Variants in BAIAP2L1 observed in about 807,000 individuals in gnomAD.
BAIAP2L1 encodes the protein BAR/IMD domain containing adaptor protein 2 like 1.
BAIAP2L1 carries 35 observed loss-of-function variants against 66.3 expected under a neutral mutation model. The observed-to-expected ratio is 0.53, with a 90% CI of 0.40 to 0.70. BAIAP2L1 has a LOEUF of 0.70. Ranked by LOEUF, BAIAP2L1 falls within the 30% of genes least tolerant of loss-of-function variation. The pLI is 0.00. For missense variants in BAIAP2L1, 622 were observed against 656.9 expected, an observed-to-expected ratio of 0.95 and a Z score of 0.58; for synonymous variants, 269 against 248.7, an observed-to-expected ratio of 1.08 and a Z score of -0.77.
At chr7:98,383,300 T>C (rs572546019) in intron 1 of BAIAP2L1, among the ~76,000 whole-genome samples, 1,749 of 141,176 alleles carry the variant, frequency 0.012, 36 homozygotes, top group African/African-American at 0.042. Flanking sequence ...TTTTTTTTTT[T>C]CAGACAGAAT....
chr7:98,334,021 A>G (rs1353119444), intron 3 of BAIAP2L1, among the ~76,000 whole-genome samples: 4 of 152,314 alleles, frequency 2.6e-5, no homozygotes, highest in Non-Finnish European at 4.4e-5. Context: ...AAAAACACAT[A>G]AAGTATATTT....
At chr7:98,330,626 C>T (rs1801473450) in intron 3 of BAIAP2L1, among the ~76,000 whole-genome samples, 1 of 152,202 alleles carries the variant, frequency 6.6e-6, no homozygotes, top group African/African-American at 2.4e-5. Flanking sequence ...CATTGCATTC[C>T]AGCCTGGGTG....
intron 1 of BAIAP2L1, among the ~76,000 whole-genome samples, chr7:98,399,422 T>C (rs1303411214): frequency 6.6e-6 from 1 of 152,218 alleles, no homozygotes; most frequent in Non-Finnish European, 1.5e-5. Context: ...ACTCCTCTGA[T>C]TTTAGGAATT....
intron 3 of BAIAP2L1, among the ~76,000 whole-genome samples, chr7:98,327,530 G>A (rs953820574): frequency 3.3e-5 from 5 of 151,930 alleles, no homozygotes; most frequent in East Asian, 1.9e-4. Context: ...AAAATTAGCC[G>A]GGCATGGTGG....
At chr7:98,341,135 G>A (rs1043516630) in intron 3 of BAIAP2L1, among the ~76,000 whole-genome samples, 1 of 151,722 alleles carries the variant, frequency 6.6e-6, no homozygotes, top group Non-Finnish European at 1.5e-5. Context: ...CTTGCTTCCA[G>A]GAAAAAAATT....
chr7:98,385,335 G>A (rs746794362), intron 1 of BAIAP2L1, among the ~76,000 whole-genome samples: 2 of 151,964 alleles, frequency 1.3e-5, no homozygotes, highest in Non-Finnish European at 1.5e-5. Context: ...CGGCCTTTGC[G>A]ATCTGAGGAA....
rs1337286868 is a variant in BAIAP2L1 at position 98,400,891 on chromosome 7, G to T, written c.-39C>A. 1 of 1,517,652 alleles carries T rather than the reference G, an allele frequency of 6.6e-7. No homozygotes were observed. The highest frequency in any genetic ancestry group is 1.2e-5 in the South Asian group (1 of 81,384). The allele number at this position is 1,517,652 out of a possible 1,614,324, so 94.0% of individuals were successfully genotyped here. On this transcript the variant is annotated 5_prime_UTR_variant, in exon 1 of 14. Coordinates refer to ENST00000005260, the MANE Select transcript of BAIAP2L1 (RefSeq NM_018842.5). ...GGGCGAGCAAGCGCGGGAGGACGCG[G>T]CTGGGCCTCGTGGCCGCCGGACTCC...
At chr7:98,335,236 C>A (rs568962307) in intron 3 of BAIAP2L1, among the ~76,000 whole-genome samples, 1 of 151,702 alleles carries the variant, frequency 6.6e-6, no homozygotes, top group African/African-American at 2.4e-5. Context: ...GGAAATATCC[C>A]ATCCCTTCTC....
At chr7:98,376,749 T>C (rs1163119151) in intron 1 of BAIAP2L1, among the ~76,000 whole-genome samples, 1 of 151,662 alleles carries the variant, frequency 6.6e-6, no homozygotes, top group African/African-American at 2.4e-5. Flanking sequence ...GGAGAATCAC[T>C]TGAACCCGGG....
At chr7:98,387,018 G>A (rs908924900) in intron 1 of BAIAP2L1, among the ~76,000 whole-genome samples, 1 of 152,036 alleles carries the variant, frequency 6.6e-6, no homozygotes, top group African/African-American at 2.4e-5. Context: ...CTTCCTTAAA[G>A]ACTGTACATC....
At chr7:98,391,534 C>A (rs538621027) in intron 1 of BAIAP2L1, among the ~76,000 whole-genome samples, 1 of 151,486 alleles carries the variant, frequency 6.6e-6, no homozygotes, top group East Asian at 2.0e-4. Flanking sequence ...AGAGGGAAAC[C>A]CTGACTCTAC....
intron 3 of BAIAP2L1, among the ~76,000 whole-genome samples, chr7:98,330,831 T>G (rs1584461911): frequency 7.2e-6 from 1 of 138,320 alleles, no homozygotes; most frequent in Admixed American, 7.6e-5. Flanking sequence ...GTGGGAGGGG[T>G]GCCCTCTCTG....
chr7:98,349,627 C>G (rs1368278311), intron 3 of BAIAP2L1, among the ~76,000 whole-genome samples: 1 of 151,844 alleles, frequency 6.6e-6, no homozygotes, highest in East Asian at 1.9e-4. Context: ...AATCCCAGCA[C>G]TTTGGGAGGC....
Position 98,386,409 on chromosome 7 carries a change from G to C in BAIAP2L1, c.51+14393C>G, listed in dbSNP as rs551126004. ...AAACACACGACCCTTGAGACCATCA[G>C]ATGCAATTTTGGTTCCTTGGGTCCT... On this transcript the variant is annotated intron_variant, in intron 1 of 13. Transcript: ENST00000005260. The C allele has an allele frequency of 6.9e-6, 11 of 1,592,032 alleles. No homozygotes were observed. In the African/African-American group the frequency reaches 1.3e-4, roughly 19 times the overall value.
chr7:98,388,973 A>T (rs908639991), intron 1 of BAIAP2L1, among the ~76,000 whole-genome samples: 18 of 108,402 alleles, frequency 1.7e-4, no homozygotes, highest in African/African-American at 5.2e-4. Flanking sequence ...CTAAGAAATT[A>T]AAAAAAAAAA....
In BAIAP2L1 at chr7:98,320,286, A is replaced by G; in HGVS notation, c.227T>C (p.Ile76Thr). 1 of 1,606,624 alleles carries G rather than the reference A, an allele frequency of 6.2e-7. No homozygotes were observed. The highest frequency in any genetic ancestry group is 8.5e-7 in the Non-Finnish European group (1 of 1,175,282). Reference protein sequence around the residue: ...PVSTELGHVLIEISSTHKKLN... With the variant: ...PVSTELGHVLTEISSTHKKLN... ...TTTCTTGTGGGTACTTGAAATCTCT[A>G]TGAGGACATGTCCTGGGAACAAAAC... The change falls in exon 4 of 14, where the codon ATA becomes ACA. Residue 76 changes from isoleucine to threonine, a missense_variant. Ile to Thr is a moderately conservative substitution (Grantham distance 89, BLOSUM62 -1). Transcript: ENST00000005260.
At chr7:98,297,815 C>CA (rs1800253257) in intron 12 of BAIAP2L1, among the ~76,000 whole-genome samples, 1 of 152,204 alleles carries the variant, frequency 6.6e-6, no homozygotes, top group Non-Finnish European at 1.5e-5. Flanking sequence ...GGGCTCACGC[C>CA]ACGTGAGGGC....
intron 3 of BAIAP2L1, among the ~76,000 whole-genome samples, chr7:98,346,163 A>G (rs1801869212): frequency 6.6e-6 from 1 of 152,220 alleles, no homozygotes; most frequent in Non-Finnish European, 1.5e-5. Flanking sequence ...ACAACAAAAA[A>G]TTAATTTGCA....
rs1045916 is a variant in BAIAP2L1 at position 98,304,289 on chromosome 7, C to A, written c.1329G>T (p.Leu443Phe). 1 of 1,613,112 alleles carries A rather than the reference C, an allele frequency of 6.2e-7. No individual in the cohort carries two copies. The highest frequency in any genetic ancestry group is 1.7e-5 in the Admixed American group (1 of 59,844). ...VIPPPDYLECLSMGAAADRRA... is the reference protein window; with the variant it reads ...VIPPPDYLECFSMGAAADRRA... ...TCCTGTCGGCAGCTGCCCCCATGGA[C>A]AAGCATTCCAAGTAGTCGGGTGGGG... is the stretch of plus-strand genomic sequence containing the variant. Residue 443 changes from leucine (L) to phenylalanine (F), a missense_variant, in exon 12 of 14, where the codon TTG (leucine) becomes TTT (phenylalanine). Leu to Phe is a conservative substitution (Grantham distance 22). Coordinates refer to ENST00000005260, the MANE Select transcript of BAIAP2L1 (RefSeq NM_018842.5).
Sources: allele counts gnomAD v4.1 joint callset (sites outside exome capture counted in the v4.1 genomes callset), GRCh38; gene constraint gnomAD v4.1.1; transcripts MANE v1.5; gene names NCBI Gene and HGNC (gene_info 2026-07-23, HGNC 2026-07-21).